The following EBF3 variants were observed in gnomAD, a reference collection of about 807,000 sequenced individuals.
The protein encoded by EBF3 is transcription factor COE3.
A neutral mutation model predicts 77.1 loss-of-function variants in EBF3; 18 were observed. The observed-to-expected ratio is 0.23, with a 90% confidence interval of 0.16 to 0.35. The LOEUF (loss-of-function observed/expected upper bound fraction) is 0.35, where lower values mean the gene tolerates loss of function less well. EBF3 is among the 10% of genes least tolerant of loss of function. The pLI is 1.00. For missense variants in EBF3, 558 were observed against 860.0 expected, an observed-to-expected ratio of 0.65 and a Z score of 4.39; for synonymous variants, 350 against 343.5, an observed-to-expected ratio of 1.02 and a Z score of -0.21.
chr10:129,950,053 A>AGGGGCGGCGGCT (rs1156354148), intron 6 of EBF3, among the ~76,000 whole-genome samples: 2 of 83,424 alleles, frequency 2.4e-5, no homozygotes, highest in African/African-American at 9.5e-5. Flanking sequence ...GGGCGGAGGC[A>AGGGGCGGCGGCT]GGGGCGGCGG....
At chr10:129,951,265 T>C (rs1314621067) in intron 6 of EBF3, among the ~76,000 whole-genome samples, 2 of 152,202 alleles carry the variant, frequency 1.3e-5, no homozygotes, top group East Asian at 3.8e-4. Context: ...TGGACGGCTT[T>C]CCATAAAGTA....
At chr10:129,850,977 G>A (rs118084043) in intron 10 of EBF3, among the ~76,000 whole-genome samples, 1,620 of 152,304 alleles carry the variant, frequency 0.011, 23 homozygotes, top group East Asian at 0.059. Context: ...GAGCCCTGCC[G>A]AGCCAGGGCA....
At chr10:129,889,821 T>G (rs1479177020) in intron 6 of EBF3, among the ~76,000 whole-genome samples, 2 of 105,860 alleles carry the variant, frequency 1.9e-5, no homozygotes, top group South Asian at 3.3e-4. Context: ...AAAAAAAAAA[T>G]GCAAACCGTA....
Position 129,954,419 on chromosome 10 carries a change from C to G in EBF3, c.554+2839G>C, listed in dbSNP as rs182763389. ...ATGGGAAACAGCCTCACTTCCCCCC[C>G]CCCTTTTTTTTTCTCTGAAGGGTCT... On this transcript the variant is annotated intron_variant, in intron 6 of 16. Transcript: ENST00000440978. 6.9e-4 allele frequency among the ~76,000 whole-genome samples: 102 copies of G among 148,230 alleles called. 2 individuals are homozygous for G. In the East Asian group the frequency reaches 0.019, roughly 27 times the overall value.
At chr10:129,838,078 G>T in intron 16 of EBF3, 118 bp from the exon 17 acceptor site, 1 of 1,258,606 alleles carries the variant, frequency 7.9e-7, no homozygotes, top group Non-Finnish European at 1.1e-6. Flanking sequence ...GTCTTGCACA[G>T]TTCCGTCCAC....
Position 129,842,030 on chromosome 10 carries a change from C to T in EBF3, c.1372+86G>A, listed in dbSNP as rs1177530763. Reference sequence around the variant, plus strand: ...AACGCTACGGACATTCCCCAGCTGGCCCTGGACACGTGCCTCTTCAGCTAA... The same window carrying T: ...AACGCTACGGACATTCCCCAGCTGGTCCTGGACACGTGCCTCTTCAGCTAA... On this transcript the variant is annotated intron_variant, in intron 13 of 16. Coordinates refer to ENST00000440978, the MANE Select transcript of EBF3 (RefSeq NM_001375380.1). This position sits in a 1 kb window ranked among gnomAD's most constrained non-coding sequence, Gnocchi z 4.4. 1.3e-6 allele frequency: 2 copies of T among 1,554,068 alleles called. No individual in the cohort carries two copies. The highest frequency in any genetic ancestry group is 2.2e-5 in the East Asian group (1 of 44,506).
intron 6 of EBF3, among the ~76,000 whole-genome samples, chr10:129,932,804 T>C (rs1857111413): frequency 6.6e-6 from 1 of 152,076 alleles, no homozygotes. Flanking sequence ...GAGGCCGAGC[T>C]TCGGAACAAT....
rs561694155 is a variant in EBF3, at chr10:129,952,759, T to C, written c.554+4499A>G. ...ACCCGGTGCTGTTTGTAAGGCTTGG[T>C]AATAATCATACATAATCGTTTGGAA... is the stretch of plus-strand genomic sequence containing the variant. On this transcript the variant is annotated intron_variant, in intron 6 of 16. Transcript: ENST00000440978. The surrounding 1 kb of genome is among the most constrained non-coding windows in gnomAD (Gnocchi z 4.7). Among the ~76,000 whole-genome samples the C allele has an allele frequency of 5.6e-4, 85 of 152,308 alleles. 1 individual carries two copies. Among genetic ancestry groups the C allele is most frequent in the African/African-American group, 2.0e-3 (84 of 41,566 alleles).
chr10:129,882,079 A>T (rs1853251109), intron 6 of EBF3, among the ~76,000 whole-genome samples: 1 of 152,270 alleles, frequency 6.6e-6, no homozygotes, highest in African/African-American at 2.4e-5. Context: ...GCAAGCCCCC[A>T]CCGCAGTGAC....
At chr10:129,865,102 G>T (rs1039632872) in intron 10 of EBF3, among the ~76,000 whole-genome samples, 1 of 152,162 alleles carries the variant, frequency 6.6e-6, no homozygotes, top group Non-Finnish European at 1.5e-5. Context: ...GGACTCAGGG[G>T]CATGTGGTAC....
intron 8 of EBF3, 45 bp from the exon 9 acceptor site, chr10:129,867,957 C>T: frequency 6.2e-7 from 1 of 1,600,488 alleles, no homozygotes; most frequent in Non-Finnish European, 8.5e-7. Flanking sequence ...GCCCCGTCCT[C>T]CTCCGACGCT....
At position 129,843,343 on chromosome 10, in the gene EBF3, G is replaced by T. The variant is rs1356479278; in HGVS notation, c.1129-141C>A. 3.8e-6 allele frequency: 3 copies of T among 796,808 alleles called. No homozygotes were observed. The East Asian group carries it at 8.2e-5, about 22-fold the overall frequency. 49.4% of individuals were successfully genotyped at this position (796,808 alleles called of 1,614,324 possible). On this transcript the variant is annotated intron_variant, in intron 11 of 16. Transcript: ENST00000440978. The stretch of plus-strand genomic sequence containing the variant: ...TCCTGGCCCTGCCGTGCACTTCGAA[G>T]GCAGGCACAGACAGGAAGGCACGTG...
At chr10:129,919,055 C>A (rs2134342480) in intron 6 of EBF3, among the ~76,000 whole-genome samples, 1 of 152,312 alleles carries the variant, frequency 6.6e-6, no homozygotes, top group African/African-American at 2.4e-5. Context: ...GGGACCCAGC[C>A]ATGACTGAGA....
chr10:129,904,659 GAGACAGACATCT>G (rs1855011840), intron 6 of EBF3, among the ~76,000 whole-genome samples: 2 of 151,984 alleles, frequency 1.3e-5, no homozygotes, highest in South Asian at 4.2e-4. Flanking sequence ...TGGATGGATG[GAGACAGACATCT>G]ATGGATAGAA....
At chr10:129,908,247 A>C (rs1462635670) in intron 6 of EBF3, among the ~76,000 whole-genome samples, 1 of 152,224 alleles carries the variant, frequency 6.6e-6, no homozygotes, top group Non-Finnish European at 1.5e-5. Flanking sequence ...CCCAAGAAAT[A>C]GCGGGAGGAT....
intron 10 of EBF3, among the ~76,000 whole-genome samples, chr10:129,859,025 A>T (rs1224265722): frequency 6.6e-6 from 1 of 152,168 alleles, no homozygotes; most frequent in Non-Finnish European, 1.5e-5. Flanking sequence ...ACCCTTCGAG[A>T]GTGTGCCCTC....
intron 7 of EBF3, 110 bp from the exon 8 acceptor site, chr10:129,873,706 GT>G (rs1158836371): frequency 8.3e-7 from 1 of 1,207,114 alleles, no homozygotes; most frequent in Non-Finnish European, 1.1e-6. Context: ...GAAATTTCAC[GT>G]GTTCCTGGAC....
In EBF3 at chr10:129,879,071, C is replaced by A. The variant is rs1482965195; in HGVS notation, c.555-1222G>T. 6.6e-6 allele frequency among the ~76,000 whole-genome samples: 1 copy of A among 152,136 alleles called. No homozygotes were observed. Among genetic ancestry groups the A allele is most frequent in the Non-Finnish European group, 1.5e-5 (1 of 68,038 alleles). ...TGAGATGCTGTGACTAAAACGTCAT[C>A]ATGTTGTCCTCCGCATTCCTGCATG... On this transcript the variant is annotated intron_variant, in intron 6 of 16. Coordinates refer to ENST00000440978, the MANE Select transcript of EBF3 (RefSeq NM_001375380.1). The surrounding 1 kb of genome is among the most constrained non-coding windows in gnomAD (Gnocchi z 4.7).
intron 6 of EBF3, among the ~76,000 whole-genome samples, chr10:129,951,715 C>T (rs1858695217): frequency 6.6e-6 from 1 of 152,258 alleles, no homozygotes; most frequent in South Asian, 2.1e-4. Context: ...CAGGCGACCA[C>T]GCAAGCTGTG....
Sources: gnomAD v4.1 joint callset for allele counts (sites outside exome capture counted in the v4.1 genomes callset) on GRCh38, gnomAD v4.1.1 for gene constraint, Gnocchi (gnomAD v3.1) non-coding constraint, MANE v1.5 for transcripts, NCBI Gene and HGNC (gene_info 2026-07-23, HGNC 2026-07-21) for gene names.